Variants in LYST observed in about 807,000 individuals in gnomAD.
LYST encodes lysosomal-trafficking regulator.
A neutral mutation model predicts 413.6 loss-of-function variants in LYST; 192 were observed. The ratio of observed to expected loss-of-function variants is 0.46; its 90% CI spans 0.41 to 0.52. The LOEUF is 0.52. LYST is among the 20% of genes least tolerant of loss of function. The pLI is 0.00. For synonymous variants in LYST, 1,525 were observed against 1,567.3 expected (o/e 0.97, Z 0.64); for missense variants, 3,815 against 4,499.9 (o/e 0.85, Z 4.35).
intron 11 of LYST, among the ~76,000 whole-genome samples, chr1:235,792,756 T>C (rs1365898648): frequency 1.3e-5 from 2 of 151,458 alleles, no homozygotes; most frequent in Admixed American, 6.6e-5. Flanking sequence ...CTTTGCCTCC[T>C]GGGTTCAAGC....
chr1:235,728,483 T>G (rs1174222704), intron 37 of LYST, among the ~76,000 whole-genome samples: 1 of 152,350 alleles, frequency 6.6e-6, no homozygotes, highest in Middle Eastern at 3.4e-3. Context: ...GCATATAGAT[T>G]TGCTTTATTT....
In LYST at chr1:235,809,459, T is replaced by C; in HGVS notation, c.1359A>G (p.Glu453=). The part of the protein sequence containing the change: ...NLFETAVLQM[E]WLVLRDGVPP... ...GAACTCCATCTCTTAAAACCAGCCA[T>C]TCCATTTGAAGAACTGCTGTTTCAA... The change falls in exon 5 of 53, where the codon GAA becomes GAG. Residue 453 remains glutamate (E), a synonymous_variant. Coordinates refer to ENST00000389793, the MANE Select transcript of LYST (RefSeq NM_000081.4). This position sits in a 1 kb window ranked among gnomAD's most constrained non-coding sequence, Gnocchi z 4.0. 6.2e-7 allele frequency: 1 copy of C among 1,614,014 alleles called. No individual in the cohort carries two copies. Among genetic ancestry groups the C allele is most frequent in the East Asian group, 2.2e-5 (1 of 44,860 alleles).
Position 235,822,706 on chromosome 1 carries a change from C to T in LYST, c.192+7520G>A, listed in dbSNP as rs553692545. 3.9e-5 allele frequency among the ~76,000 whole-genome samples: 6 copies of T among 152,318 alleles called. No individual in the cohort carries two copies. The South Asian group carries it at 1.2e-3, about 32-fold the overall frequency. Reference sequence around the variant, plus strand: ...AGCCACAAATTAATTGCAGTTCCTCCTATCAAGTGATAGAGTCTATTTCCC... The same window carrying T: ...AGCCACAAATTAATTGCAGTTCCTCTTATCAAGTGATAGAGTCTATTTCCC... On this transcript the variant is annotated intron_variant, in intron 3 of 52. Coordinates refer to ENST00000389793, the MANE Select transcript of LYST (RefSeq NM_000081.4).
At chr1:235,816,377 T>A (rs1431510796) in intron 3 of LYST, among the ~76,000 whole-genome samples, 1 of 135,836 alleles carries the variant, frequency 7.4e-6, no homozygotes. Context: ...GAGGCGGAGG[T>A]TGCAGTGAGC....
chr1:235,669,913 G>T (rs75421767), intron 50 of LYST, among the ~76,000 whole-genome samples: 1 of 152,150 alleles, frequency 6.6e-6, no homozygotes, highest in African/African-American at 2.4e-5. Context: ...GGAGCAGAGT[G>T]GGGGGTGGGG....
At position 235,781,007 on chromosome 1, in the gene LYST, G is replaced by C; in HGVS notation, c.5072C>G (p.Pro1691Arg). ...ACATGGCATTACAGATGTATGGTTG[G>C]GTCCACAAGCATACAGATAAAAGGC... ...QEAFYLYACG[P>R]NHTSVMPCKY... The change falls in exon 16 of 53, where the codon CCC (proline) becomes CGC (arginine). Residue 1691 changes from proline to arginine, a missense_variant. This residue lies in a region of LYST where 530 missense variants were observed against 696.5 expected (regional missense o/e 0.76). Transcript: ENST00000389793. The C allele has an allele frequency of 6.2e-7, 1 of 1,611,270 alleles. No individual in the cohort carries two copies. The highest frequency in any genetic ancestry group is 2.2e-5 in the East Asian group (1 of 44,676).
In LYST at chr1:235,854,380, A is replaced by G. The variant is rs886359272; in HGVS notation, c.-98+12463T>C. ...CTTTGTATTCTATATACAAATTTCT[A>G]TTCTCCAAAGCAGACATTGACTTCT... On this transcript the variant is annotated intron_variant, in intron 1 of 52. Transcript: ENST00000389793. The surrounding 1 kb of genome is among the most constrained non-coding windows in gnomAD (Gnocchi z 4.1). Among the ~76,000 whole-genome samples, 6 of 152,242 alleles carry G rather than the reference A, an allele frequency of 3.9e-5. No individual in the cohort carries two copies. Among genetic ancestry groups the G allele is most frequent in the South Asian group, 2.1e-4 (1 of 4,814 alleles).
intron 40 of LYST, among the ~76,000 whole-genome samples, chr1:235,717,924 C>T (rs952994043): frequency 7.3e-5 from 11 of 151,118 alleles, no homozygotes; most frequent in South Asian, 6.3e-4. Context: ...AGTGAAGTGG[C>T]GTGATCTCAG....
intron 38 of LYST, among the ~76,000 whole-genome samples, chr1:235,724,457 C>T (rs1204781865): frequency 6.6e-6 from 1 of 152,094 alleles, no homozygotes; most frequent in Non-Finnish European, 1.5e-5. Context: ...CTCCCTTGGC[C>T]CTGCACTCAC....
chr1:235,839,612 G>C (rs902240081), intron 1 of LYST: 1 of 147,590 alleles, frequency 6.8e-6, no homozygotes, highest in Non-Finnish European at 1.5e-5. Flanking sequence ...TGGCCAACAC[G>C]GAGAACCCCC....
chr1:235,819,830 T>C (rs2102944453), intron 3 of LYST, among the ~76,000 whole-genome samples: 1 of 152,140 alleles, frequency 6.6e-6, no homozygotes, highest in Admixed American at 6.5e-5. Context: ...GTAATTTTAG[T>C]AGAGATGGGG....
rs1027014295 is a variant in LYST, at chr1:235,808,982, C to T, written c.1836G>A (p.Leu612=). The change falls in exon 5 of 53, where the codon TTG becomes TTA. Residue 612 remains leucine (L), a synonymous_variant. Transcript: ENST00000389793. ...CCAAAATAAGTTTGTTAAGGATATT[C>T]AATATATGCTGCTGAAAATTTTTCA... is the stretch of plus-strand genomic sequence containing the variant. ...PALKNFQQHI[L]NILNKLILDQ... is the part of the protein sequence containing the mutation. 5.6e-6 allele frequency: 9 copies of T among 1,613,878 alleles called. No individual in the cohort carries two copies. Among genetic ancestry groups the T allele is most frequent in the Middle Eastern group, 1.6e-4 (1 of 6,082 alleles).
Position 235,752,869 on chromosome 1 carries a change from C to CT in LYST, c.7460+174dup, listed in dbSNP as rs201043240. On this transcript the variant is annotated intron_variant, in intron 26 of 52. Coordinates refer to ENST00000389793, the MANE Select transcript of LYST (RefSeq NM_000081.4). ...GACATTCAGTAAATACAATTTCTTG[C>CT]TTTTTTTTTCTTTCTTTCTGTTATT... Among the ~76,000 whole-genome samples the CT allele has an allele frequency of 8.5e-4, 128 of 150,760 alleles. 1 individual carries two copies. Among genetic ancestry groups the CT allele is most frequent in the African/African-American group, 2.6e-3 (109 of 41,160 alleles).
intron 46 of LYST, among the ~76,000 whole-genome samples, chr1:235,694,113 G>A (rs554315996): frequency 6.6e-6 from 1 of 151,314 alleles, no homozygotes; most frequent in Non-Finnish European, 1.5e-5. Context: ...GGGTTCAGGT[G>A]ATTCTCGTGC....
At chr1:235,699,779 T>C (rs1459058625) in intron 45 of LYST, among the ~76,000 whole-genome samples, 2 of 152,234 alleles carry the variant, frequency 1.3e-5, no homozygotes, top group African/African-American at 2.4e-5. Flanking sequence ...TTCTGATTGG[T>C]GTGAGATGGT....
upstream of LYST, among the ~76,000 whole-genome samples, chr1:235,869,627 A>G (rs1455739035): frequency 6.6e-6 from 1 of 152,238 alleles, no homozygotes; most frequent in East Asian, 1.9e-4. Flanking sequence ...GTCAACGTAA[A>G]TGTGCATAAT....
intron 3 of LYST, among the ~76,000 whole-genome samples, chr1:235,824,377 G>A (rs1018492250): frequency 2.0e-5 from 3 of 152,224 alleles, no homozygotes; most frequent in African/African-American, 7.2e-5. Context: ...ATAGGGCATA[G>A]AAGAAACCAG....
chr1:235,759,287 T>C lies in LYST; in HGVS notation c.6566A>G (p.Asp2189Gly). 3 of 1,614,160 alleles carry C rather than the reference T, an allele frequency of 1.9e-6. No homozygotes were observed. The highest frequency in any genetic ancestry group is 2.5e-6 in the Non-Finnish European group (3 of 1,180,006). ...AAATCCCAGCACTCCCTTTGGGACATCACTGACAGAGACCTGGGCTGAGAG... is the reference window on the plus strand; with the variant it reads ...AAATCCCAGCACTCCCTTTGGGACACCACTGACAGAGACCTGGGCTGAGAG... ...AVLSAQVSVS[D>G]VPKGVLGFPV... Residue 2189 changes from aspartate (D) to glycine (G), a missense_variant, in exon 23 of 53, where the codon GAT becomes GGT. By Grantham distance (94) the Asp-to-Gly change is moderately conservative. Coordinates refer to ENST00000389793, the MANE Select transcript of LYST (RefSeq NM_000081.4).
chr1:235,787,394 C>A, intron 13 of LYST, 21 bp from the exon 14 acceptor site: 1 of 1,608,676 alleles, frequency 6.2e-7, no homozygotes, highest in Non-Finnish European at 8.5e-7. Flanking sequence ...AGAGAAAAGG[C>A]ATAGGCTGAA....
Sources: gnomAD v4.1 joint callset for allele counts (sites outside exome capture counted in the v4.1 genomes callset) on GRCh38, gnomAD v4.1.1 for gene constraint, gnomAD v4.1.1 regional missense constraint, Gnocchi (gnomAD v3.1) non-coding constraint, MANE v1.5 for transcripts, NCBI Gene and HGNC (gene_info 2026-07-23, HGNC 2026-07-21) for gene names.